The following KDM4C variants were observed in gnomAD, a reference collection of about 807,000 sequenced individuals.
KDM4C encodes the protein lysine-specific demethylase 4C.
Under a neutral mutation model 129.3 loss-of-function variants are expected in KDM4C, and 81 were observed. That is an observed-to-expected ratio of 0.63 (90% CI 0.52 to 0.75). KDM4C has a LOEUF of 0.75. KDM4C is among the 30% of genes least tolerant of loss of function. KDM4C has a pLI of 0.00. For synonymous variants in KDM4C, 573 were observed against 456.1 expected (o/e 1.26, Z -3.26); for missense variants, 1,457 against 1,304.0 (o/e 1.12, Z -1.81).
At chr9:6,835,058 C>A (rs1171387071) in intron 4 of KDM4C, 3 of 959,986 alleles carry the variant, frequency 3.1e-6, no homozygotes, top group African/African-American at 3.2e-5. Flanking sequence ...TTCACCACCA[C>A]GGCTGAGTGG....
chr9:6,830,239 A>G (rs757705701), intron 4 of KDM4C, among the ~76,000 whole-genome samples: 13 of 152,248 alleles, frequency 8.5e-5, no homozygotes, highest in Non-Finnish European at 1.8e-4. Flanking sequence ...ATAACCGTGT[A>G]TAGATATATC....
chr9:6,976,263 A>G (rs962182996), intron 8 of KDM4C, among the ~76,000 whole-genome samples: 1 of 152,190 alleles, frequency 6.6e-6, no homozygotes, highest in Admixed American at 6.6e-5. Flanking sequence ...AACACTTAGC[A>G]GTGCTTTGTT....
intron 18 of KDM4C, among the ~76,000 whole-genome samples, chr9:7,121,247 T>C (rs2133292723): frequency 6.6e-6 from 1 of 152,284 alleles, no homozygotes; most frequent in East Asian, 1.9e-4. Context: ...CATGCATCTG[T>C]GGTCAGCTGC....
At chr9:7,155,457 A>G (rs1019885486) in intron 19 of KDM4C, among the ~76,000 whole-genome samples, 7 of 152,044 alleles carry the variant, frequency 4.6e-5, no homozygotes, top group East Asian at 3.9e-4. Flanking sequence ...TGCTGCACCC[A>G]TCAACTCGTC....
At chr9:6,962,958 T>C (rs1029346149) in intron 8 of KDM4C, among the ~76,000 whole-genome samples, 4 of 152,222 alleles carry the variant, frequency 2.6e-5, no homozygotes, top group African/African-American at 9.6e-5. Context: ...TATAAGCTGT[T>C]TATGGACATG....
intron 8 of KDM4C, among the ~76,000 whole-genome samples, chr9:6,980,218 G>C (rs547883099): frequency 4.6e-5 from 7 of 152,262 alleles, no homozygotes; most frequent in African/African-American, 7.2e-5. Context: ...TTTGTGTGAA[G>C]TCTTTATAGA....
At position 6,986,363 on chromosome 9, in the gene KDM4C, A is replaced by C. The variant is rs1198552848; in HGVS notation, c.1374A>C (p.Thr458=). 7 of 1,610,890 alleles carry C rather than the reference A, an allele frequency of 4.3e-6. No individual in the cohort carries two copies. The highest frequency in any genetic ancestry group is 2.2e-5 in the East Asian group (1 of 44,834). The part of the protein sequence containing the change: ...IKLSGNSCLS[T]SVTEDIKTED... Reference sequence around the variant, plus strand: ...CCTCAGGAAACAGCTGCTTAAGTACATCTGTAACAGAAGACATAAAAACTG... The same window carrying C: ...CCTCAGGAAACAGCTGCTTAAGTACCTCTGTAACAGAAGACATAAAAACTG... The change falls in exon 11 of 22, where the codon ACA becomes ACC. Residue 458 remains threonine (T), a synonymous_variant. Coordinates refer to ENST00000381309, the MANE Select transcript of KDM4C (RefSeq NM_015061.6).
At chr9:7,023,822 T>C (rs909076000) in intron 15 of KDM4C, among the ~76,000 whole-genome samples, 3 of 152,190 alleles carry the variant, frequency 2.0e-5, no homozygotes, top group African/African-American at 7.2e-5. Context: ...GATTTTGGTG[T>C]GTTGTGTTTC....
intron 2 of KDM4C, among the ~76,000 whole-genome samples, chr9:6,793,596 A>G (rs1431407118): frequency 2.7e-5 from 4 of 149,110 alleles, no homozygotes; most frequent in East Asian, 2.0e-4. Flanking sequence ...CTGGAGTGCA[A>G]TGGCGTGATC....
In KDM4C at chr9:7,044,633, C is replaced by T. The variant is rs530938707; in HGVS notation, c.2260-2229C>T. Among the ~76,000 whole-genome samples the T allele has an allele frequency of 4.6e-5, 7 of 151,938 alleles. No individual in the cohort carries two copies. In the East Asian group the frequency reaches 5.8e-4, roughly 13 times the overall value. On this transcript the variant is annotated intron_variant, in intron 15 of 21. Coordinates refer to ENST00000381309, the MANE Select transcript of KDM4C (RefSeq NM_015061.6). The stretch of plus-strand genomic sequence containing the variant: ...GTAGGCACCAATGATGGAAAACAGT[C>T]GGGGAGTACAGGCTTGAGAAGAAGA...
At chr9:6,986,196 A>G in intron 10 of KDM4C, 148 bp from the exon 11 acceptor site, 1 of 598,032 alleles carries the variant, frequency 1.7e-6, no homozygotes. Context: ...GGTACAAATG[A>G]GGTTTGTTTT....
chr9:7,082,739 C>T (rs1326682320), intron 17 of KDM4C, among the ~76,000 whole-genome samples: 1 of 152,134 alleles, frequency 6.6e-6, no homozygotes, highest in African/African-American at 2.4e-5. Context: ...GCAGGAAGAT[C>T]TACAGGGAAT....
At chr9:6,829,160 C>T (rs1461424547) in intron 4 of KDM4C, among the ~76,000 whole-genome samples, 5 of 152,148 alleles carry the variant, frequency 3.3e-5, no homozygotes, top group African/African-American at 1.2e-4. Flanking sequence ...ACTATACAGG[C>T]AGAAGCCTGG....
chr9:6,782,387 C>T (rs1049945352), intron 1 of KDM4C, among the ~76,000 whole-genome samples: 1 of 152,190 alleles, frequency 6.6e-6, no homozygotes. Context: ...CATTTCCCAT[C>T]TTCTGCTCCT....
At chr9:7,172,543 A>G (rs572088512) in intron 21 of KDM4C, among the ~76,000 whole-genome samples, 1 of 152,370 alleles carries the variant, frequency 6.6e-6, no homozygotes, top group Admixed American at 6.5e-5. Context: ...AGAATGAATG[A>G]AACAAAAGTG....
At chr9:6,956,918 C>G (rs1384769806) in intron 8 of KDM4C, among the ~76,000 whole-genome samples, 4 of 152,192 alleles carry the variant, frequency 2.6e-5, no homozygotes, top group Non-Finnish European at 4.4e-5. Context: ...CTGAAGCCTT[C>G]TCTGCCATCC....
At chr9:6,803,237 C>T (rs1358946512) in intron 2 of KDM4C, among the ~76,000 whole-genome samples, 1 of 152,108 alleles carries the variant, frequency 6.6e-6, no homozygotes, top group Non-Finnish European at 1.5e-5. Flanking sequence ...TGTGATTATG[C>T]ATTTTCTACA....
In KDM4C at chr9:6,888,034, T is replaced by C. The variant is rs114371470; in HGVS notation, c.754T>C (p.Leu252=). ...HKMTLISPSV[L]KKYGIPFDKI... is the part of the protein sequence containing the mutation. Reference sequence around the variant, plus strand: ...GATGACATTGATTTCTCCATCAGTATTGAAGAAATATGGTATTCCCTTTGA... The same window carrying C: ...GATGACATTGATTTCTCCATCAGTACTGAAGAAATATGGTATTCCCTTTGA... The change falls in exon 7 of 22, where the codon TTG becomes CTG. Residue 252 remains leucine, a synonymous_variant. Coordinates refer to ENST00000381309, the MANE Select transcript of KDM4C (RefSeq NM_015061.6). The C allele has an allele frequency of 1.9e-3, 2,986 of 1,596,792 alleles. 58 individuals are homozygous for C. The African/African-American group carries it at 0.035, about 19-fold the overall frequency.
chr9:6,942,298 TGTG>T (rs1479538926), intron 8 of KDM4C, among the ~76,000 whole-genome samples: 1 of 151,410 alleles, frequency 6.6e-6, no homozygotes, highest in African/African-American at 2.4e-5. Flanking sequence ...TGTGTGTGTG[TGTG>T]TGTGTGTGTG....
Sources: gnomAD v4.1 joint callset for allele counts (sites outside exome capture counted in the v4.1 genomes callset) on GRCh38, gnomAD v4.1.1 for gene constraint, MANE v1.5 for transcripts, NCBI Gene and HGNC (gene_info 2026-07-23, HGNC 2026-07-21) for gene names.